FRMD4A: variants seen among roughly 807,000 people sequenced by gnomAD.
FRMD4A encodes FERM domain containing 4A.
Under a neutral mutation model 129.1 loss-of-function variants are expected in FRMD4A, and 29 were observed. The ratio of observed to expected loss-of-function variants is 0.22; its 90% confidence interval spans 0.17 to 0.31. The LOEUF (loss-of-function observed/expected upper bound fraction) is 0.31, where lower values mean the gene tolerates loss of function less well. Ranked by LOEUF, FRMD4A falls within the 10% of genes least tolerant of loss-of-function variation. The pLI is 1.00. For synonymous variants in FRMD4A, 634 were observed against 571.6 expected (o/e 1.11, Z -1.56); for missense variants, 1,272 against 1,375.8 (o/e 0.92, Z 1.19).
intron 2 of FRMD4A, among the ~76,000 whole-genome samples, chr10:14,235,870 C>A (rs1843795504): frequency 6.6e-6 from 1 of 152,192 alleles, no homozygotes; most frequent in African/African-American, 2.4e-5. Flanking sequence ...GACCACAATT[C>A]CCGTGCCAAA....
At chr10:14,307,071 T>C (rs11599059) in intron 2 of FRMD4A, among the ~76,000 whole-genome samples, 17,624 of 152,286 alleles carry the variant, frequency 0.12, 1,119 homozygotes, top group Middle Eastern at 0.24. Context: ...GCTTCTGCTG[T>C]TTACAAATCC....
chr10:13,913,581 C>T (rs1214031594), intron 2 of FRMD4A, among the ~76,000 whole-genome samples: 1 of 152,122 alleles, frequency 6.6e-6, no homozygotes, highest in African/African-American at 2.4e-5. Context: ...CATAAGGGTC[C>T]AGCCACATCT....
chr10:14,151,792 TTAAC>T (rs2131855606), intron 2 of FRMD4A, among the ~76,000 whole-genome samples: 1 of 152,274 alleles, frequency 6.6e-6, no homozygotes, highest in African/African-American at 2.4e-5. Context: ...TTGGAGATGT[TTAAC>T]TAATTTATTT....
chr10:14,128,080 C>CT (rs1839018593), intron 2 of FRMD4A, among the ~76,000 whole-genome samples: 2 of 102,260 alleles, frequency 2.0e-5, no homozygotes, highest in African/African-American at 8.2e-5. Context: ...TTCTTTCTTT[C>CT]TTTCTTTCTT....
At chr10:14,069,995 A>AG (rs1835242241) in intron 2 of FRMD4A, among the ~76,000 whole-genome samples, 1 of 152,162 alleles carries the variant, frequency 6.6e-6, no homozygotes, top group Admixed American at 6.6e-5. Flanking sequence ...CATATGCCTT[A>AG]AAGAACAAGT....
chr10:13,891,671 A>T, intron 2 of FRMD4A: 1 of 985,232 alleles, frequency 1.0e-6, no homozygotes, highest in Non-Finnish European at 1.2e-6. Flanking sequence ...TCTGGCTGCA[A>T]GCGGCTGGTA....
chr10:14,028,352 T>G (rs1787271668), intron 2 of FRMD4A, among the ~76,000 whole-genome samples: 1 of 152,186 alleles, frequency 6.6e-6, no homozygotes, highest in Non-Finnish European at 1.5e-5. Flanking sequence ...TGAAGTAATC[T>G]TACATTATTT....
intron 4 of FRMD4A, among the ~76,000 whole-genome samples, chr10:13,807,627 AACTT>A (rs2093377729): frequency 6.6e-6 from 1 of 152,170 alleles, no homozygotes; most frequent in Non-Finnish European, 1.5e-5. Context: ...TAATGAATAC[AACTT>A]ATGGAGTGAG....
At chr10:13,727,785 T>G (rs1467983620) in intron 12 of FRMD4A, 1 of 152,280 alleles carries the variant, frequency 6.6e-6, no homozygotes, top group African/African-American at 2.4e-5. Context: ...TTCGTAGAAT[T>G]TAACTCTCAG....
At chr10:14,021,684 C>T (rs1267229647) in intron 2 of FRMD4A, among the ~76,000 whole-genome samples, 2 of 152,140 alleles carry the variant, frequency 1.3e-5, no homozygotes, top group Non-Finnish European at 2.9e-5. Flanking sequence ...GGAGTCCTCA[C>T]TCACAATATT....
At chr10:13,959,343 G>T (rs2447024) in intron 2 of FRMD4A, among the ~76,000 whole-genome samples, 1 of 151,748 alleles carries the variant, frequency 6.6e-6, no homozygotes, top group East Asian at 1.9e-4. Flanking sequence ...GTGGTGGCGC[G>T]TGCCTTTGGC....
At chr10:14,224,248 T>C (rs1248969019) in intron 2 of FRMD4A, among the ~76,000 whole-genome samples, 1 of 152,258 alleles carries the variant, frequency 6.6e-6, no homozygotes, top group African/African-American at 2.4e-5. Flanking sequence ...TCCTCATTTC[T>C]AAAAGTGTTG....
chr10:14,324,738 G>A (rs1361582260), intron 2 of FRMD4A, among the ~76,000 whole-genome samples: 3 of 152,152 alleles, frequency 2.0e-5, no homozygotes, highest in Non-Finnish European at 1.5e-5. Flanking sequence ...TCGGCTCACG[G>A]CAACCTCTGC....
chr10:14,237,633 A>C (rs1015722499), intron 2 of FRMD4A, among the ~76,000 whole-genome samples: 6 of 152,202 alleles, frequency 3.9e-5, no homozygotes, highest in Non-Finnish European at 8.8e-5. Flanking sequence ...ACCTGGCTGC[A>C]TCAATTTCTC....
intron 2 of FRMD4A, among the ~76,000 whole-genome samples, chr10:14,182,498 G>C (rs1037753998): frequency 3.3e-5 from 5 of 152,182 alleles, no homozygotes; most frequent in African/African-American, 1.2e-4. Flanking sequence ...AGTGATCTCT[G>C]ATCTTGCCAC....
chr10:14,264,013 T>A (rs1371950642), intron 2 of FRMD4A, among the ~76,000 whole-genome samples: 1 of 152,194 alleles, frequency 6.6e-6, no homozygotes, highest in Non-Finnish European at 1.5e-5. Flanking sequence ...CTGCATTAAT[T>A]ACATGTCTCC....
rs2094200699 is a variant in FRMD4A, at chr10:13,855,496, T to C, written c.111+3351A>G. Among the ~76,000 whole-genome samples, 3 of 152,220 alleles carry C rather than the reference T, an allele frequency of 2.0e-5. No individual in the cohort carries two copies. In the South Asian group the frequency reaches 6.2e-4, roughly 32 times the overall value. On this transcript the variant is annotated intron_variant, in intron 3 of 24. Transcript: ENST00000357447. ...CTCTGGGGGAGAGAAACACTTGCTC[T>C]AAACCTGACTCTCCATGTTACAAAC...
chr10:13,987,334 C>T (rs1312590103), intron 2 of FRMD4A, among the ~76,000 whole-genome samples: 1 of 152,134 alleles, frequency 6.6e-6, no homozygotes, highest in Non-Finnish European at 1.5e-5. Context: ...TTCCACCCAA[C>T]TTTTTCCCAC....
intron 2 of FRMD4A, among the ~76,000 whole-genome samples, chr10:13,915,975 T>C (rs150682747): frequency 6.6e-6 from 1 of 152,322 alleles, no homozygotes; most frequent in East Asian, 1.9e-4. Flanking sequence ...CCAACACTAG[T>C]AATTTGTATT....
Sources: gnomAD v4.1 joint callset for allele counts (sites outside exome capture counted in the v4.1 genomes callset) on GRCh38, gnomAD v4.1.1 for gene constraint, MANE v1.5 for transcripts, NCBI Gene and HGNC (gene_info 2026-07-23, HGNC 2026-07-21) for gene names.